The following CRISP3 variants were observed in gnomAD, a reference collection of about 807,000 sequenced individuals.
The protein encoded by CRISP3 is cysteine rich secretory protein 3, also known as cysteine-rich secretory protein 3.
A neutral mutation model predicts 36.1 loss-of-function variants in CRISP3; 33 were observed. The ratio of observed to expected loss-of-function variants is 0.91; its 90% CI spans 0.69 to 1.22. CRISP3 has a LOEUF of 1.22. CRISP3 is among the 50% of genes most tolerant of loss of function. The probability of loss-of-function intolerance (pLI) is 0.00; values close to 1 mark genes in which losing one functional copy is unlikely to be tolerated. For synonymous variants in CRISP3, 117 were observed against 104.6 expected (o/e 1.12, Z -0.72); for missense variants, 330 against 301.2 (o/e 1.10, Z -0.71).
rs761445848 is a variant in CRISP3, at chr6:49,728,889, A to G, written c.650-32T>C. The G allele has an allele frequency of 3.8e-6, 6 of 1,591,206 alleles. No individual in the cohort carries two copies. The East Asian group carries it at 1.1e-4, about 30-fold the overall frequency. ...TAAAAACAAAGAAATTAGTCACTTC[A>G]TTATCATTTTCTTTCATAACAGCAA... On this transcript the variant is annotated intron_variant, in intron 7 of 7. Transcript: ENST00000263045.
intron 1 of CRISP3, among the ~76,000 whole-genome samples, chr6:49,743,447 G>C (rs1158510163): frequency 6.6e-6 from 1 of 152,084 alleles, no homozygotes; most frequent in Non-Finnish European, 1.5e-5. Flanking sequence ...TCTAGATTTG[G>C]TTTTAACTAG....
intron 1 of CRISP3, 50 bp from the exon 2 acceptor site, chr6:49,737,448 A>G (rs1769085993): frequency 8.7e-6 from 14 of 1,601,322 alleles, no homozygotes; most frequent in Admixed American, 3.3e-5. Flanking sequence ...AATGATTGGT[A>G]CATGCTGTTG....
At chr6:49,737,420 A>G (rs1028784745) in intron 1 of CRISP3, 22 bp from the exon 2 acceptor site, 17 of 1,613,748 alleles carry the variant, frequency 1.1e-5, no homozygotes, top group Non-Finnish European at 1.3e-5. Flanking sequence ...AAACCGGTGG[A>G]ACAGGGATCT....
chr6:49,731,204 G>A lies in CRISP3; in HGVS notation c.608C>T (p.Pro203Leu), dbSNP rs145784294. ...ACAGTTATCTGGGCAACTGGCACAA[G>A]GTGCTCCTTGTTCATAAGGGACATA... ...RLYVPYEQGA[P>L]CASCPDNCDD... The change falls in exon 7 of 8, where the codon CCT (proline) becomes CTT (leucine). Residue 203 changes from proline (P) to leucine (L), a missense_variant. Transcript: ENST00000263045. 1.9e-6 allele frequency: 3 copies of A among 1,611,680 alleles called. No homozygotes were observed. The highest frequency in any genetic ancestry group is 2.7e-5 in the African/African-American group (2 of 74,822).
At chr6:49,741,151 C>CAAAAAAAAAA (rs10616289) in intron 1 of CRISP3, among the ~76,000 whole-genome samples, 1 of 135,420 alleles carries the variant, frequency 7.4e-6, no homozygotes, top group Non-Finnish European at 1.6e-5. Context: ...AAAAAACCAC[C>CAAAAAAAAAA]AAAAAAAAAA....
chr6:49,729,118 A>G (rs1768851378), intron 7 of CRISP3, among the ~76,000 whole-genome samples: 1 of 152,150 alleles, frequency 6.6e-6, no homozygotes, highest in Non-Finnish European at 1.5e-5. Flanking sequence ...TGAGCAGAGT[A>G]AAATTAATTT....
intron 1 of CRISP3, among the ~76,000 whole-genome samples, chr6:49,738,326 T>C (rs1387664411): frequency 2.0e-5 from 3 of 152,202 alleles, no homozygotes; most frequent in East Asian, 3.8e-4. Flanking sequence ...AATGTCTAAG[T>C]AAATGAGAAT....
At position 49,737,330 on chromosome 6, in the gene CRISP3, C is replaced by T; in HGVS notation, c.106G>A (p.Asp36Asn). 1.2e-6 allele frequency: 2 copies of T among 1,613,734 alleles called. No individual in the cohort carries two copies. The highest frequency in any genetic ancestry group is 1.7e-5 in the Admixed American group (1 of 59,994). ...ATTTTTGACTTCAACCATACCTTAT[C>T]TTCATTTGCTGGAAAAGATGGAAGC... ...GLLPSFPANEDKDPAFTALLT... is the reference protein window; with the variant it reads ...GLLPSFPANENKDPAFTALLT... Residue 36 changes from aspartate to asparagine, a missense_variant, in exon 2 of 8, where the codon GAT (aspartate) becomes AAT (asparagine). Transcript: ENST00000263045.
At position 49,728,835 on chromosome 6, in the gene CRISP3, A is replaced by G. The variant is rs1169471793; in HGVS notation, c.672T>C (p.Asp224=). The G allele has an allele frequency of 1.9e-6, 3 of 1,611,476 alleles. No individual in the cohort carries two copies. In the East Asian group the frequency reaches 6.7e-5, roughly 36 times the overall value. Reference sequence around the variant, plus strand: ...TCAAACTTTTACAGTTACTATAGAGATCTTCGTACTTGCAACCATTGGCTG... The same window carrying G: ...TCAAACTTTTACAGTTACTATAGAGGTCTTCGTACTTGCAACCATTGGCTG... ...GLCTNGCKYE[D]LYSNCKSLKL... is the part of the protein sequence containing the mutation. Residue 224 remains aspartate (D), a synonymous_variant, in exon 8 of 8, where the codon GAT becomes GAC. Coordinates refer to ENST00000263045, the MANE Select transcript of CRISP3 (RefSeq NM_006061.4).
chr6:49,733,698 C>T lies in CRISP3; in HGVS notation c.462+5G>A. ...AGGAGATGGTTTTTCATTTCTTCTCCTTACCTGTGTATAATGTCCAACCAC... is the reference window on the plus strand; with the variant it reads ...AGGAGATGGTTTTTCATTTCTTCTCTTTACCTGTGTATAATGTCCAACCAC... On this transcript the variant is annotated splice_donor_5th_base_variant and intron_variant, in intron 5 of 7. Coordinates refer to ENST00000263045, the MANE Select transcript of CRISP3 (RefSeq NM_006061.4). 6.2e-7 allele frequency: 1 copy of T among 1,608,958 alleles called. No homozygotes were observed. Among genetic ancestry groups the T allele is most frequent in the Non-Finnish European group, 8.5e-7 (1 of 1,176,934 alleles).
At chr6:49,741,660 C>G (rs956867806) in intron 1 of CRISP3, among the ~76,000 whole-genome samples, 2 of 120,168 alleles carry the variant, frequency 1.7e-5, no homozygotes, top group African/African-American at 6.3e-5. Context: ...GAGATCATTA[C>G]TTTGGTAGGA....
intron 7 of CRISP3, among the ~76,000 whole-genome samples, chr6:49,730,328 T>C (rs918543977): frequency 6.6e-6 from 1 of 152,038 alleles, no homozygotes; most frequent in African/African-American, 2.4e-5. Flanking sequence ...ATTTTGACTT[T>C]AAAAATGTAT....
At chr6:49,737,653 A>T (rs1379677774) in intron 1 of CRISP3, among the ~76,000 whole-genome samples, 1 of 152,168 alleles carries the variant, frequency 6.6e-6, no homozygotes, top group African/African-American at 2.4e-5. Context: ...TATAAATGCT[A>T]AGGACTTTCT....
Position 49,733,621 on chromosome 6 carries a change from A to T in CRISP3, c.462+82T>A, listed in dbSNP as rs1356528393. ...TCACTTGAAATTTTCCCCAAATTCA[A>T]CTTGGAATCAGTCAAAATTTGAAGA... On this transcript the variant is annotated intron_variant, in intron 5 of 7. Coordinates refer to ENST00000263045, the MANE Select transcript of CRISP3 (RefSeq NM_006061.4). 21 of 1,412,638 alleles carry T rather than the reference A, an allele frequency of 1.5e-5. No homozygotes were observed. In the East Asian group the frequency reaches 4.6e-4, roughly 31 times the overall value. 87.5% of individuals were successfully genotyped at this position (1,412,638 alleles called of 1,614,324 possible). A position where few individuals can be genotyped will look rare whatever the true frequency, so the allele number is the denominator to read the frequency against.
intron 2 of CRISP3, among the ~76,000 whole-genome samples, chr6:49,737,056 T>C (rs1490855129): frequency 6.6e-6 from 1 of 152,094 alleles, no homozygotes; most frequent in Non-Finnish European, 1.5e-5. Flanking sequence ...AAAGATAGTT[T>C]TACCACATTA....
At chr6:49,737,685 G>C (rs770505022) in intron 1 of CRISP3, among the ~76,000 whole-genome samples, 2 of 152,116 alleles carry the variant, frequency 1.3e-5, no homozygotes, top group South Asian at 4.1e-4. Context: ...CCGCAGCTCC[G>C]CAGTCTTCTC....
intron 4 of CRISP3, 75 bp downstream of exon 4, chr6:49,735,429 C>T: frequency 8.6e-7 from 1 of 1,159,290 alleles, no homozygotes. Context: ...ACAAACTTTT[C>T]TTAATGCAAC....
At chr6:49,735,830 T>C (rs1255784964) in intron 3 of CRISP3, among the ~76,000 whole-genome samples, 2 of 152,184 alleles carry the variant, frequency 1.3e-5, no homozygotes, top group Non-Finnish European at 2.9e-5. Context: ...GGTCCAATTA[T>C]TTATCACAGG....
chr6:49,743,215 A>T (rs1769251264), intron 1 of CRISP3, among the ~76,000 whole-genome samples: 1 of 152,160 alleles, frequency 6.6e-6, no homozygotes, highest in Non-Finnish European at 1.5e-5. Flanking sequence ...CTTTTACTTG[A>T]ATTCAATAAA....
Sources: allele counts gnomAD v4.1 joint callset (sites outside exome capture counted in the v4.1 genomes callset), GRCh38; gene constraint gnomAD v4.1.1; transcripts MANE v1.5; gene names NCBI Gene and HGNC (gene_info 2026-07-23, HGNC 2026-07-21).